SART3: variants seen among roughly 807,000 people sequenced by gnomAD.
SART3 encodes spliceosome associated factor 3, U4/U6 recycling protein.
A neutral mutation model predicts 122.3 loss-of-function variants in SART3; 44 were observed. That is an observed-to-expected ratio of 0.36 (90% CI 0.28 to 0.46). The LOEUF (loss-of-function observed/expected upper bound fraction) is 0.46. SART3 is among the 20% of genes least tolerant of loss of function. The pLI is 1.00. For missense variants in SART3, 1,101 were observed against 1,229.0 expected, an observed-to-expected ratio of 0.90 and a Z score of 1.56; for synonymous variants, 442 against 454.0, an observed-to-expected ratio of 0.97 and a Z score of 0.34.
At chr12:108,552,145 G>T (rs6539438) in intron 1 of SART3, among the ~76,000 whole-genome samples, 1 of 151,926 alleles carries the variant, frequency 6.6e-6, no homozygotes, top group African/African-American at 2.4e-5. Flanking sequence ...ATCCAACAAC[G>T]ATTCATGGTT....
chr12:108,548,046 G>T, intron 2 of SART3, 55 bp from the exon 3 acceptor site: 2 of 1,463,526 alleles, frequency 1.4e-6, no homozygotes, highest in Non-Finnish European at 1.9e-6. Context: ...TAAGCGCAGG[G>T]ACTTTACCAA....
Position 108,549,021 on chromosome 12 carries a change from T to A in SART3, c.439+67A>T, listed in dbSNP as rs189107836. On this transcript the variant is annotated intron_variant, in intron 2 of 18. Transcript: ENST00000546815. ...TTTCTACAAGGAGCATGTCCCACTT[T>A]CAACATTGTAAAAAATGTGCAAGCC... 71 of 1,611,542 alleles carry A rather than the reference T, an allele frequency of 4.4e-5. 1 individual carries two copies. The East Asian group carries it at 1.2e-3, about 28-fold the overall frequency.
At chr12:108,556,033 G>A (rs908778707) in intron 1 of SART3, among the ~76,000 whole-genome samples, 1 of 151,916 alleles carries the variant, frequency 6.6e-6, no homozygotes, top group East Asian at 1.9e-4. Context: ...TGCTGTTTCA[G>A]CTAAAATAAA....
chr12:108,545,128 C>A lies in SART3; in HGVS notation c.729+11G>T, dbSNP rs1383805213. ...GCCCCAACCCGTTCAGAGACAACCA[C>A]AGGTACTCACCCGAGCAGCTTCCAC... is the stretch of plus-strand genomic sequence containing the variant. On this transcript the variant is annotated intron_variant, in intron 4 of 18. Coordinates refer to ENST00000546815, the MANE Select transcript of SART3 (RefSeq NM_014706.4). 1 of 1,613,876 alleles carries A rather than the reference C, an allele frequency of 6.2e-7. No homozygotes were observed. Among genetic ancestry groups the A allele is most frequent in the East Asian group, 2.2e-5 (1 of 44,880 alleles).
chr12:108,557,299 T>C (rs1051246563), intron 1 of SART3, among the ~76,000 whole-genome samples: 1 of 145,962 alleles, frequency 6.9e-6, no homozygotes, highest in African/African-American at 2.6e-5. Flanking sequence ...CTGCAACCTC[T>C]GCCTCCCGGG....
intron 11 of SART3, chr12:108,535,722 A>G: frequency 2.2e-6 from 1 of 457,230 alleles, no homozygotes; most frequent in South Asian, 2.4e-5. Flanking sequence ...CTTACTCGAC[A>G]GTACTAGATA....
chr12:108,522,363 A>T lies in SART3; in HGVS notation c.*1094T>A, dbSNP rs1026384489. ...GATAAATGAGGAGTTGATTCCCACG[A>T]CATATACAAGGATTCCCTGACGTCT... On this transcript the variant is annotated 3_prime_UTR_variant, in exon 19 of 19. Transcript: ENST00000546815. Among the ~76,000 whole-genome samples the T allele has an allele frequency of 2.6e-5, 4 of 152,354 alleles. No individual in the cohort carries two copies. The highest frequency in any genetic ancestry group is 2.1e-4 in the South Asian group (1 of 4,830).
chr12:108,527,894 T>C (rs1005657451), intron 15 of SART3, among the ~76,000 whole-genome samples: 3 of 151,976 alleles, frequency 2.0e-5, no homozygotes, highest in African/African-American at 7.3e-5. Flanking sequence ...GCCTCCCGAG[T>C]AGCTGGGAAA....
intron 15 of SART3, among the ~76,000 whole-genome samples, chr12:108,529,916 C>T (rs920644911): frequency 6.6e-6 from 1 of 152,152 alleles, no homozygotes; most frequent in Non-Finnish European, 1.5e-5. Context: ...AGGACATTAT[C>T]AGGATAAATG....
At chr12:108,524,061 T>A in intron 18 of SART3, 1 of 580,506 alleles carries the variant, frequency 1.7e-6, no homozygotes, top group Non-Finnish European at 3.1e-6. Flanking sequence ...TTTAAAATAA[T>A]CACTGCCTTA....
At chr12:108,531,853 A>G (rs1373007731) in intron 13 of SART3, 1 of 338,824 alleles carries the variant, frequency 3.0e-6, no homozygotes, top group Non-Finnish European at 5.8e-6. Context: ...CTGCCCATCA[A>G]GAGACATTTG....
intron 1 of SART3, among the ~76,000 whole-genome samples, chr12:108,552,234 G>T (rs985967460): frequency 2.0e-5 from 3 of 152,118 alleles, no homozygotes; most frequent in Non-Finnish European, 2.9e-5. Context: ...TATCCCATAA[G>T]TTGGGATATA....
At chr12:108,536,192 A>G (rs1273746841) in intron 11 of SART3, among the ~76,000 whole-genome samples, 2 of 152,246 alleles carry the variant, frequency 1.3e-5, no homozygotes, top group African/African-American at 4.8e-5. Context: ...AGTGCTGACA[A>G]ACAGTACACG....
In SART3 at chr12:108,526,244, C is replaced by T. The variant is rs772481919; in HGVS notation, c.2225G>A (p.Arg742His). The T allele has an allele frequency of 1.5e-5, 25 of 1,614,094 alleles. No individual in the cohort carries two copies. Among genetic ancestry groups the T allele is most frequent in the African/African-American group, 1.1e-4 (8 of 74,924 alleles). Residue 742 changes from arginine to histidine, a missense_variant, in exon 16 of 19, where the codon CGT becomes CAT. Transcript: ENST00000546815. ...VVQIRPIFSNRGDFRGYCYVE... is the reference protein window; with the variant it reads ...VVQIRPIFSNHGDFRGYCYVE... Reference sequence around the variant, plus strand: ...GTAGCAGTAACCTCGGAAATCCCCACGGTTGCTGAAGATGGGTCGGATCTG... The same window carrying T: ...GTAGCAGTAACCTCGGAAATCCCCATGGTTGCTGAAGATGGGTCGGATCTG...
intron 6 of SART3, 113 bp from the exon 7 acceptor site, chr12:108,539,202 C>G (rs760669105): frequency 1.2e-4 from 131 of 1,067,642 alleles, no homozygotes; most frequent in Non-Finnish European, 1.8e-4. Flanking sequence ...TCGCCAAATC[C>G]TCACTCTCAG....
intron 6 of SART3, 177 bp downstream of exon 6, chr12:108,542,851 C>G: frequency 1.1e-6 from 1 of 876,164 alleles, no homozygotes; most frequent in East Asian, 2.8e-5. Context: ...TATTTCTTAA[C>G]CTGGGTGGTA....
chr12:108,544,829 T>G, intron 4 of SART3: 1 of 568,604 alleles, frequency 1.8e-6, no homozygotes, highest in Non-Finnish European at 3.1e-6. Flanking sequence ...CCTCCCAAAC[T>G]GCTGGAATTA....
intron 1 of SART3, among the ~76,000 whole-genome samples, chr12:108,557,826 T>C (rs1334345801): frequency 2.0e-5 from 3 of 152,204 alleles, no homozygotes; most frequent in African/African-American, 7.2e-5. Context: ...GGAAAATATT[T>C]GCTTTTGTTA....
In SART3 at chr12:108,526,456, A is replaced by G; in HGVS notation, c.2013T>C (p.Ala671=). ...EVAAGPAGKC[A]AVDVEPPSKQ... ...TCGAAGGGGGCTCCACATCTACGGC[A>G]GCACATTTCCCAGCGGGCCCTGCTG... Residue 671 remains alanine, a synonymous_variant, in exon 16 of 19, where the codon GCT becomes GCC. Transcript: ENST00000546815. 1 of 1,614,218 alleles carries G rather than the reference A, an allele frequency of 6.2e-7. No individual in the cohort carries two copies. The highest frequency in any genetic ancestry group is 8.5e-7 in the Non-Finnish European group (1 of 1,180,052).
Sources: gnomAD v4.1 joint callset for allele counts (sites outside exome capture counted in the v4.1 genomes callset) on GRCh38, gnomAD v4.1.1 for gene constraint, MANE v1.5 for transcripts, NCBI Gene and HGNC (gene_info 2026-07-23, HGNC 2026-07-21) for gene names.